The following TASOR2 variants were observed in gnomAD, a reference collection of about 807,000 sequenced individuals.
The protein encoded by TASOR2 is transcription activation suppressor family member 2, also known as protein TASOR 2.
TASOR2 carries 84 observed loss-of-function variants against 199.5 expected under a neutral mutation model. That is an observed-to-expected ratio of 0.42 (90% CI 0.35 to 0.50). The LOEUF is 0.50. Among genes scored for constraint, TASOR2 ranks in the 20% least tolerant of loss-of-function variants. TASOR2 has a pLI of 0.02. For synonymous variants in TASOR2, 1,103 were observed against 1,046.6 expected, an observed-to-expected ratio of 1.05 and a Z score of -1.04; for missense variants, 2,796 against 2,835.9, an observed-to-expected ratio of 0.99 and a Z score of 0.32.
In TASOR2 at chr10:5,687,098, AAT is replaced by A. The variant is rs111479399; in HGVS notation, c.-288+1926_-288+1927del. ...TTTCTTTAAAAATTTTTTATTGTGA[AAT>A]ATGTCATTAATATGTACTGACAAAG... On this transcript the variant is annotated intron_variant, in intron 1 of 20. Transcript: ENST00000328090. The surrounding 1 kb of genome is among the most constrained non-coding windows in gnomAD (Gnocchi z 4.8). Among the ~76,000 whole-genome samples, 211 of 152,326 alleles carry A rather than the reference AAT, an allele frequency of 1.4e-3. No homozygotes were observed. The highest frequency in any genetic ancestry group is 4.7e-3 in the African/African-American group (195 of 41,576).
At chr10:5,735,348 G>A (rs774793437) in exon 12 of TASOR2, 14 of 1,614,108 alleles carry the variant, frequency 8.7e-6, no homozygotes, top group Non-Finnish European at 1.2e-5. Context: ...AACCAAATTG[G>A]ATAGGAAAAA....
intron 15 of TASOR2, among the ~76,000 whole-genome samples, chr10:5,756,246 T>C (rs1419511756): frequency 2.6e-5 from 4 of 152,152 alleles, no homozygotes; most frequent in African/African-American, 9.7e-5. Flanking sequence ...AATACATGGG[T>C]ATTGTTTTTT....
At chr10:5,724,140 T>C (rs972528096) in intron 7 of TASOR2, among the ~76,000 whole-genome samples, 2 of 151,954 alleles carry the variant, frequency 1.3e-5, no homozygotes, top group African/African-American at 4.8e-5. Flanking sequence ...GAGAAGGAAA[T>C]TTCTTGGTCA....
In TASOR2 at chr10:5,748,930, G is replaced by A. The variant is rs1837595832; in HGVS notation, c.5509G>A (p.Asp1837Asn). The change falls in exon 15 of 21, where the codon GAT becomes AAT. Residue 1837 changes from aspartate to asparagine, a missense_variant. Around this residue, in one of 3 missense-constraint regions of TASOR2, gnomAD observed 1,941 missense variants for 1,924.9 expected, o/e 1.01. Coordinates refer to ENST00000328090, the Ensembl canonical transcript of TASOR2. The surrounding 1 kb of genome is among the most constrained non-coding windows in gnomAD (Gnocchi z 5.1). ...AGATTCTGATCTAGACCTGCTTGGT[G>A]ATTGTAGAAATCCCAGACTGGATTT... The A allele has an allele frequency of 1.2e-6, 2 of 1,614,110 alleles. No individual in the cohort carries two copies. The highest frequency in any genetic ancestry group is 4.5e-5 in the East Asian group (2 of 44,866).
At chr10:5,732,556 T>C (rs906032858) in intron 11 of TASOR2, among the ~76,000 whole-genome samples, 1 of 152,230 alleles carries the variant, frequency 6.6e-6, no homozygotes, top group East Asian at 1.9e-4. Flanking sequence ...TTTTTTTGTT[T>C]GGAGTTTTCT....
chr10:5,739,563 G>T, intron 12 of TASOR2, 55 bp from the exon 14 acceptor site: 2 of 1,502,522 alleles, frequency 1.3e-6, no homozygotes, highest in South Asian at 2.5e-5. Flanking sequence ...ATATGGCAGA[G>T]AGTTAATTCT....
At chr10:5,728,216 GTT>G (rs1834307465) in intron 10 of TASOR2, among the ~76,000 whole-genome samples, 1 of 53,320 alleles carries the variant, frequency 1.9e-5, no homozygotes, top group Non-Finnish European at 3.5e-5. Context: ...GTGAGACCCT[GTT>G]TCAAAAAAAA....
chr10:5,756,546 A>G lies in TASOR2; in HGVS notation c.6607-67A>G. On this transcript the variant is annotated intron_variant, in intron 15 of 20. Coordinates refer to ENST00000328090, the Ensembl canonical transcript of TASOR2. The stretch of plus-strand genomic sequence containing the variant: ...GACTATACTGCTTTTCATTATTTTA[A>G]TAAACTATACAGGTAGTTCTGTGGA... The G allele has an allele frequency of 7.9e-6, 12 of 1,522,412 alleles. No homozygotes were observed. The South Asian group carries it at 1.3e-4, about 17-fold the overall frequency. The allele number at this position is 1,522,412 out of a possible 1,614,324, so 94.3% of individuals were successfully genotyped here.
In TASOR2 at chr10:5,730,437, G is replaced by T; in HGVS notation, c.488-50G>T. On this transcript the variant is annotated intron_variant, in intron 10 of 20. Coordinates refer to ENST00000328090, the Ensembl canonical transcript of TASOR2. This position sits in a 1 kb window ranked among gnomAD's most constrained non-coding sequence, Gnocchi z 4.1. ...AAAGCTTTTTTTTCCAGAATGTTTT[G>T]TTTTTAAAAAATAAACTTCAGATGT... 2 of 1,361,902 alleles carry T rather than the reference G, an allele frequency of 1.5e-6. No individual in the cohort carries two copies. Among genetic ancestry groups the T allele is most frequent in the South Asian group, 1.6e-5 (1 of 61,576 alleles). The allele number at this position is 1,361,902 out of a possible 1,614,324, so 84.4% of individuals were successfully genotyped here.
At chr10:5,715,652 T>C (rs1488397127) in intron 2 of TASOR2, among the ~76,000 whole-genome samples, 3 of 152,066 alleles carry the variant, frequency 2.0e-5, no homozygotes, top group African/African-American at 7.2e-5. Context: ...GGTTTTTTTT[T>C]TGGTGGCGGG....
intron 1 of TASOR2, 46 bp from the exon 2 acceptor site, chr10:5,712,777 A>G: frequency 9.8e-7 from 1 of 1,024,174 alleles, no homozygotes; most frequent in Non-Finnish European, 1.3e-6. Flanking sequence ...GCAAGACAAA[A>G]TAGTATGTTT....
chr10:5,731,144 C>T (rs377180792), exon 11 of TASOR2: 45 of 1,611,124 alleles, frequency 2.8e-5, no homozygotes, highest in Middle Eastern at 1.6e-4. Context: ...GACAACAGCT[C>T]GGACTCTCCA....
intron 1 of TASOR2, among the ~76,000 whole-genome samples, chr10:5,696,751 A>G (rs72774058): frequency 0.014 from 2,173 of 152,324 alleles, 16 homozygotes; most frequent in Middle Eastern, 0.041. Flanking sequence ...GAGACCAAGT[A>G]GGAAATAAAA....
At chr10:5,702,526 G>T (rs1837995141) in intron 1 of TASOR2, among the ~76,000 whole-genome samples, 1 of 151,502 alleles carries the variant, frequency 6.6e-6, no homozygotes, top group Non-Finnish European at 1.5e-5. Flanking sequence ...ATTTATATTA[G>T]TTCCTCTTTA....
intron 2 of TASOR2, among the ~76,000 whole-genome samples, chr10:5,715,962 C>T (rs1462925480): frequency 1.3e-5 from 2 of 152,112 alleles, no homozygotes; most frequent in Admixed American, 6.5e-5. Context: ...CTCATGTGAA[C>T]ATCACAGAGC....
rs770885435 is a variant in TASOR2, at chr10:5,740,026, G to A, written c.1856G>A (p.Ser619Asn). Residue 619 changes from serine to asparagine, a missense_variant, in exon 13 of 21, where the codon AGC (serine) becomes AAC (asparagine). This residue lies in a region of TASOR2 where 847 missense variants were observed against 887.4 expected (regional missense o/e 0.95). Coordinates refer to ENST00000328090, the Ensembl canonical transcript of TASOR2. The surrounding 1 kb of genome is among the most constrained non-coding windows in gnomAD (Gnocchi z 5.3). ...TTAACAGTTAGCCAAGATGAAGAAA[G>A]CTTGGTTCCTTGTAGTCAGGCCCCT... 6.2e-7 allele frequency: 1 copy of A among 1,614,102 alleles called. No homozygotes were observed. Among genetic ancestry groups the A allele is most frequent in the South Asian group, 1.1e-5 (1 of 91,088 alleles).
intron 12 of TASOR2, among the ~76,000 whole-genome samples, chr10:5,736,372 C>T (rs957153210): frequency 9.9e-5 from 15 of 151,842 alleles, no homozygotes; most frequent in Non-Finnish European, 1.6e-4. Flanking sequence ...GAGCCGAGAT[C>T]GCGCCACTGC....
chr10:5,747,101 G>C (rs747166614), exon 15 of TASOR2: 2 of 1,614,102 alleles, frequency 1.2e-6, no homozygotes, highest in South Asian at 2.2e-5. Context: ...ATTTCGTCAG[G>C]ATGCCACACA....
rs1275780817 is a variant in TASOR2, at chr10:5,706,973, C to T, written c.-287-5850C>T. The stretch of plus-strand genomic sequence containing the variant: ...AACCAGAATCAAGCCACTTACGCTC[C>T]AGCCTGGGCCACGGAGCAAGACTCC... On this transcript the variant is annotated intron_variant, in intron 1 of 20. Coordinates refer to ENST00000328090, the Ensembl canonical transcript of TASOR2. The surrounding 1 kb of genome is among the most constrained non-coding windows in gnomAD (Gnocchi z 4.8). 6.7e-6 allele frequency among the ~76,000 whole-genome samples: 1 copy of T among 150,150 alleles called. No homozygotes were observed. The highest frequency in any genetic ancestry group is 1.5e-5 in the Non-Finnish European group (1 of 67,780).
Sources: allele counts gnomAD v4.1 joint callset (sites outside exome capture counted in the v4.1 genomes callset), GRCh38; gene constraint gnomAD v4.1.1; regional missense constraint gnomAD v4.1.1; non-coding constraint Gnocchi (gnomAD v3.1); transcripts MANE v1.5; gene names NCBI Gene and HGNC (gene_info 2026-07-23, HGNC 2026-07-21).